Variants in MAD1L1 observed in about 807,000 individuals in gnomAD.
MAD1L1 encodes the protein mitotic spindle assembly checkpoint protein MAD1.
MAD1L1 carries 95 observed loss-of-function variants against 96.9 expected under a neutral mutation model. That is an observed-to-expected ratio of 0.98 (90% CI 0.83 to 1.16). The LOEUF is 1.16. Ranked by LOEUF, MAD1L1 falls within the 50% of genes most tolerant of loss-of-function variation. The pLI is 0.00. For missense variants in MAD1L1, 1,007 were observed against 954.4 expected, an observed-to-expected ratio of 1.06 and a Z score of -0.73; for synonymous variants, 473 against 396.6, an observed-to-expected ratio of 1.19 and a Z score of -2.29.
intron 14 of MAD1L1, among the ~76,000 whole-genome samples, chr7:1,987,457 G>A (rs1012992237): frequency 2.6e-5 from 4 of 152,226 alleles, no homozygotes; most frequent in Non-Finnish European, 5.9e-5. Context: ...CCCGGATGAA[G>A]CGAAGAGAGC....
At chr7:2,135,555 G>A (rs954581327) in intron 11 of MAD1L1, among the ~76,000 whole-genome samples, 1 of 152,166 alleles carries the variant, frequency 6.6e-6, no homozygotes, top group East Asian at 1.9e-4. Context: ...AAAACTCTTT[G>A]TTTTCGGTAA....
chr7:2,134,485 T>C (rs185842427), intron 11 of MAD1L1, among the ~76,000 whole-genome samples: 20 of 152,374 alleles, frequency 1.3e-4, no homozygotes, highest in African/African-American at 3.8e-4. Context: ...TACTGCACTA[T>C]AGCTAGTACT....
chr7:1,919,931 G>A (rs754087966), intron 17 of MAD1L1, among the ~76,000 whole-genome samples: 38 of 152,240 alleles, frequency 2.5e-4, no homozygotes, highest in Non-Finnish European at 1.3e-4. Flanking sequence ...GTGGCAGGGC[G>A]GAGTCAGCCT....
chr7:1,879,741 T>C (rs917125466), intron 18 of MAD1L1, among the ~76,000 whole-genome samples: 1 of 152,102 alleles, frequency 6.6e-6, no homozygotes, highest in African/African-American at 2.4e-5. Context: ...GCAAACTGAT[T>C]TTCTTTTGAG....
chr7:1,916,420 G>A (rs36054673), intron 17 of MAD1L1, among the ~76,000 whole-genome samples: 12 of 152,094 alleles, frequency 7.9e-5, no homozygotes, highest in Non-Finnish European at 1.5e-4. Flanking sequence ...TAGGCAGCAC[G>A]CTGGGCAGTA....
rs1040653173 is a variant in MAD1L1, at chr7:1,918,141, C to T, written c.1807+18546G>A. On this transcript the variant is annotated intron_variant, in intron 17 of 18. Coordinates refer to ENST00000265854, the MANE Select transcript of MAD1L1 (RefSeq NM_001013836.2). ...GACCGTGCTCCACTCTGCAGCCAGG[C>T]CACCTTCCAAATTGACAGAATGCCT... is the stretch of plus-strand genomic sequence containing the variant. Among the ~76,000 whole-genome samples the T allele has an allele frequency of 3.9e-5, 6 of 152,190 alleles. No individual in the cohort carries two copies. The East Asian group carries it at 1.2e-3, about 29-fold the overall frequency.
At chr7:2,161,963 T>C (rs1198172702) in intron 10 of MAD1L1, among the ~76,000 whole-genome samples, 1 of 142,204 alleles carries the variant, frequency 7.0e-6, no homozygotes, top group African/African-American at 2.6e-5. Flanking sequence ...AGCCACCCCG[T>C]CCGGGAGGTG....
At chr7:2,133,709 A>G (rs1788622420) in intron 11 of MAD1L1, among the ~76,000 whole-genome samples, 1 of 152,162 alleles carries the variant, frequency 6.6e-6, no homozygotes, top group Non-Finnish European at 1.5e-5. Context: ...ATCCACTCTG[A>G]GTTGATTTTT....
chr7:2,102,200 C>T (rs936232008), intron 11 of MAD1L1, among the ~76,000 whole-genome samples: 3 of 151,656 alleles, frequency 2.0e-5, no homozygotes, highest in Non-Finnish European at 2.9e-5. Context: ...CCATCACCAC[C>T]GTCACCGTCA....
intron 11 of MAD1L1, among the ~76,000 whole-genome samples, chr7:2,094,175 A>C (rs1308880656): frequency 6.6e-6 from 1 of 152,204 alleles, no homozygotes; most frequent in Non-Finnish European, 1.5e-5. Context: ...GCCAGCCACA[A>C]GGGACAGCCC....
At chr7:2,224,541 A>T (rs1562388784) in intron 4 of MAD1L1, among the ~76,000 whole-genome samples, 1 of 152,110 alleles carries the variant, frequency 6.6e-6, no homozygotes, top group Non-Finnish European at 1.5e-5. Context: ...AACCAGCATC[A>T]CACCCCGGAA....
chr7:2,178,667 C>A (rs767084774), intron 10 of MAD1L1, among the ~76,000 whole-genome samples: 1 of 152,202 alleles, frequency 6.6e-6, no homozygotes, highest in Non-Finnish European at 1.5e-5. Flanking sequence ...GAGGCCAAGG[C>A]GGGCAGATCA....
chr7:1,977,875 C>T (rs1275246616), intron 15 of MAD1L1, among the ~76,000 whole-genome samples: 1 of 152,238 alleles, frequency 6.6e-6, no homozygotes, highest in Non-Finnish European at 1.5e-5. Flanking sequence ...CTTCCTGAAA[C>T]CTTCACAGAT....
At chr7:2,229,732 C>T (rs1010517120) in intron 3 of MAD1L1, among the ~76,000 whole-genome samples, 5 of 152,246 alleles carry the variant, frequency 3.3e-5, no homozygotes, top group Non-Finnish European at 5.9e-5. Flanking sequence ...CTTGTGTGAA[C>T]GCAATGCTGA....
rs1280853932 is a variant in MAD1L1 at position 1,847,796 on chromosome 7, C to T, written c.1999-31568G>A. 3.5e-5 allele frequency: 15 copies of T among 431,888 alleles called. No homozygotes were observed. In the Admixed American group the frequency reaches 3.7e-4, roughly 11 times the overall value. The allele number at this position is 431,888 out of a possible 1,614,324, so 26.8% of individuals were successfully genotyped here. On this transcript the variant is annotated intron_variant, in intron 18 of 18. Coordinates refer to ENST00000265854, the MANE Select transcript of MAD1L1 (RefSeq NM_001013836.2). ...GTACAAGAATGAACGAATCGGCCTG[C>T]CTAGCACCCCTTGGCCGGCTCCAGG...
Position 2,142,593 on chromosome 7 carries a change from C to G in MAD1L1, c.1073+6559G>C, listed in dbSNP as rs1279006999. ...CCAGAGCTCCTGGCGCGTGCCCTGC[C>G]ACAGCCCTGGACCAGACAGGCATGG... is the stretch of plus-strand genomic sequence containing the variant. On this transcript the variant is annotated intron_variant, in intron 11 of 18. Transcript: ENST00000265854. The surrounding 1 kb of genome is among the most constrained non-coding windows in gnomAD (Gnocchi z 4.7). Among the ~76,000 whole-genome samples the G allele has an allele frequency of 6.6e-6, 1 of 152,192 alleles. No homozygotes were observed. Among genetic ancestry groups the G allele is most frequent in the African/African-American group, 2.4e-5 (1 of 41,448 alleles).
At chr7:2,050,953 C>T (rs1399527512) in intron 12 of MAD1L1, among the ~76,000 whole-genome samples, 1 of 152,240 alleles carries the variant, frequency 6.6e-6, no homozygotes, top group Non-Finnish European at 1.5e-5. Flanking sequence ...GGAACCATGC[C>T]TTTGAGCATG....
chr7:1,869,156 C>T (rs561619632), intron 18 of MAD1L1, among the ~76,000 whole-genome samples: 4 of 152,224 alleles, frequency 2.6e-5, no homozygotes, highest in South Asian at 4.2e-4. Context: ...CCATGGCTGC[C>T]GGCATGGGGC....
intron 11 of MAD1L1, among the ~76,000 whole-genome samples, chr7:2,073,418 C>A (rs552347895): frequency 6.6e-6 from 1 of 152,224 alleles, no homozygotes; most frequent in East Asian, 1.9e-4. Context: ...CAGATCTCTA[C>A]GATCGTCAGT....
Sources: gnomAD v4.1 joint callset for allele counts (sites outside exome capture counted in the v4.1 genomes callset) on GRCh38, gnomAD v4.1.1 for gene constraint, Gnocchi (gnomAD v3.1) non-coding constraint, MANE v1.5 for transcripts, NCBI Gene and HGNC (gene_info 2026-07-23, HGNC 2026-07-21) for gene names.